The following PLCXD1 variants were observed in gnomAD, a reference collection of about 807,000 sequenced individuals.
The protein encoded by PLCXD1 is phosphatidylinositol specific phospholipase C X domain containing 1, also known as PI-PLC X domain-containing protein 1.
Under a neutral mutation model 37.8 loss-of-function variants are expected in PLCXD1, and 45 were observed. The observed-to-expected ratio is 1.19, with a 90% CI of 0.94 to 1.53. The LOEUF (loss-of-function observed/expected upper bound fraction) is 1.53, where lower values mean the gene tolerates loss of function less well. Among genes scored for constraint, PLCXD1 ranks in the 40% most tolerant of loss-of-function variants. PLCXD1 has a pLI of 0.00. For missense variants in PLCXD1, 539 were observed against 454.7 expected, an observed-to-expected ratio of 1.19 and a Z score of -1.69; for synonymous variants, 246 against 206.9, an observed-to-expected ratio of 1.19 and a Z score of -1.62.
At chrX:292,511 C>T (rs754932003) in intron 5 of PLCXD1, among the ~76,000 whole-genome samples, 3 of 152,196 alleles carry the variant, frequency 2.0e-5, no homozygotes, top group South Asian at 2.1e-4. Flanking sequence ...CAGGGTCACC[C>T]TGTGCAGCCC....
rs374492773 is a variant in PLCXD1 at position 293,133 on chromosome X, A to C, written c.648A>C (p.Pro216=). ...TGCGCCGGCACCACGAGCTGTGGCC[A>C]GGAGTCCCCTACTGGTGGGGAAACA... The part of the protein sequence containing the change: ...SSLRRHHELW[P]GVPYWWGNRV... The change falls in exon 6 of 7, where the codon CCA becomes CCC. Residue 216 remains proline (P), a synonymous_variant. Coordinates refer to ENST00000381657, the MANE Select transcript of PLCXD1 (RefSeq NM_018390.4). 6.2e-7 allele frequency: 1 copy of C among 1,612,414 alleles called. No homozygotes were observed. The highest frequency in any genetic ancestry group is 8.5e-7 in the Non-Finnish European group (1 of 1,179,558).
chrX:302,292 C>T lies in PLCXD1; in HGVS notation c.*2957C>T, dbSNP rs1440381278. On this transcript the variant is annotated 3_prime_UTR_variant, in exon 7 of 7. Coordinates refer to ENST00000381657, the MANE Select transcript of PLCXD1 (RefSeq NM_018390.4). ...GAGACCCCCCCCCCACGGAAGGCGC[C>T]CCCAGTCCGTGTGGGAGACTCGCAC... 6.6e-6 allele frequency: 1 copy of T among 152,256 alleles called. No individual in the cohort carries two copies. Among genetic ancestry groups the T allele is most frequent in the Non-Finnish European group, 1.5e-5 (1 of 68,224 alleles). 9.4% of individuals were successfully genotyped at this position (152,256 alleles called of 1,614,324 possible). A position where few individuals can be genotyped will look rare whatever the true frequency, so the allele number is the denominator to read the frequency against.
intron 5 of PLCXD1, 108 bp from the exon 6 acceptor site, chrX:292,927 G>C: frequency 1.4e-6 from 1 of 707,476 alleles, no homozygotes; most frequent in South Asian, 2.1e-5. Context: ...TTTCATTTTT[G>C]GTTTATACTC....
chrX:285,661 G>A (rs1437257169), intron 2 of PLCXD1, among the ~76,000 whole-genome samples: 4 of 151,832 alleles, frequency 2.6e-5, no homozygotes, highest in South Asian at 2.1e-4. Flanking sequence ...ATGCACACAC[G>A]TAGACACACG....
chrX:292,909 G>A (rs28496552), intron 5 of PLCXD1, 126 bp from the exon 6 acceptor site: 235,348 of 611,986 alleles, frequency 0.38, 47,678 homozygotes, highest in East Asian at 0.56. Context: ...CACTGCGCCC[G>A]GCCAGAATTT....
rs1404181847 is a variant in PLCXD1, at chrX:300,783, A to G, written c.*1448A>G. 6.6e-6 allele frequency: 1 copy of G among 151,968 alleles called. No homozygotes were observed. The highest frequency in any genetic ancestry group is 1.5e-5 in the Non-Finnish European group (1 of 67,988). 9.4% of individuals were successfully genotyped at this position (151,968 alleles called of 1,614,324 possible). Reference sequence around the variant, plus strand: ...CAACGGCGAGATCTCGGCTCACCGCAACCTCCGCCTCCCTGGTTCAAGCAA... The same window carrying G: ...CAACGGCGAGATCTCGGCTCACCGCGACCTCCGCCTCCCTGGTTCAAGCAA... On this transcript the variant is annotated 3_prime_UTR_variant, in exon 7 of 7. Transcript: ENST00000381657.
intron 1 of PLCXD1, chrX:283,889 TTC>T: frequency 3.8e-6 from 1 of 264,516 alleles, no homozygotes; most frequent in South Asian, 8.1e-5. Context: ...TTTTTTTTTT[TTC>T]TTTTTTGGAT....
chrX:291,777 A>G, intron 5 of PLCXD1, 123 bp downstream of exon 5: 2 of 1,090,116 alleles, frequency 1.8e-6, no homozygotes, highest in South Asian at 2.7e-5. Context: ...GAAGCCGTCG[A>G]ACGGGGGCTG....
chrX:285,131 CACATACATGCATGCACACAT>C, intron 2 of PLCXD1, among the ~76,000 whole-genome samples: 2 of 57,206 alleles, frequency 3.5e-5, no homozygotes, highest in East Asian at 1.1e-3. Context: ...CATGCGCACA[CACATACATGCATGCACACAT>C]GCACATCCCC....
At position 299,156 on chromosome X, in the gene PLCXD1, C is replaced by T. The variant is rs142625215; in HGVS notation, c.793C>T (p.Pro265Ser). 1.2e-3 allele frequency: 1,972 copies of T among 1,613,920 alleles called. 18 individuals are homozygous for T. In the Middle Eastern group the frequency reaches 0.016, roughly 13 times the overall value. The stretch of plus-strand genomic sequence containing the variant: ...GAACCTGCAGTACGTTCTGGCGCAC[C>T]CGTCCGAGTCCCTGGAGAAGATGAC... Reference protein sequence around the residue: ...TENLQYVLAHPSESLEKMTLP... With the variant: ...TENLQYVLAHSSESLEKMTLP... Residue 265 changes from proline (P) to serine (S), a missense_variant, in exon 7 of 7, where the codon CCG becomes TCG. Physicochemically the swap from Pro to Ser is moderately conservative, Grantham distance 74. Transcript: ENST00000381657.
At chrX:283,925 A>C in intron 1 of PLCXD1, 1 of 369,330 alleles carries the variant, frequency 2.7e-6, no homozygotes, top group South Asian at 5.0e-5. Flanking sequence ...CTTGTTGCCC[A>C]GCCTGGAGTG....
At chrX:279,033 G>A (rs908662798), upstream of PLCXD1, among the ~76,000 whole-genome samples, 1 of 152,142 alleles carries the variant, frequency 6.6e-6, no homozygotes, top group African/African-American at 2.4e-5. Flanking sequence ...TGGGGGAGGG[G>A]TGGCTCAATA....
At chrX:282,412 A>G (rs866005866) in intron 1 of PLCXD1, among the ~76,000 whole-genome samples, 1 of 144,664 alleles carries the variant, frequency 6.9e-6, no homozygotes, top group East Asian at 2.1e-4. Context: ...CAAAAAAAAA[A>G]CCGTACATAC....
intron 2 of PLCXD1, among the ~76,000 whole-genome samples, chrX:285,609 G>A (rs1200087968): frequency 6.6e-6 from 1 of 151,606 alleles, no homozygotes; most frequent in Non-Finnish European, 1.5e-5. Context: ...ATATGCACAC[G>A]TGTACACAGG....
intron 6 of PLCXD1, 144 bp downstream of exon 6, chrX:293,362 A>C (rs761243243): frequency 9.0e-6 from 6 of 664,396 alleles, no homozygotes; most frequent in Admixed American, 5.9e-5. Flanking sequence ...TAATCCCTGT[A>C]CCTGTAATCC....
upstream of PLCXD1, among the ~76,000 whole-genome samples, chrX:277,006 TCCCGC>T (rs1202028332): frequency 6.6e-6 from 1 of 152,086 alleles, no homozygotes. Flanking sequence ...ATCTGCGCTG[TCCCGC>T]CGCGACCGTG....
rs189767906 is a variant in PLCXD1 at position 292,383 on chromosome X, C to T, written c.550-652C>T. On this transcript the variant is annotated intron_variant, in intron 5 of 6. Transcript: ENST00000381657. The stretch of plus-strand genomic sequence containing the variant: ...CTGAGGCAGGAGAATGGTGTGAACC[C>T]GGGGGGTGGAGGTTGCAGTGAGCCG... 3.7e-3 allele frequency among the ~76,000 whole-genome samples: 567 copies of T among 151,940 alleles called. 5 individuals carry two copies. The highest frequency in any genetic ancestry group is 0.013 in the African/African-American group (522 of 41,488).
rs1036341958 is a variant in PLCXD1, at chrX:303,159, C to G, written c.*3824C>G. The G allele has an allele frequency of 6.6e-6, 1 of 152,112 alleles. No individual in the cohort carries two copies. Among genetic ancestry groups the G allele is most frequent in the Non-Finnish European group, 1.5e-5 (1 of 68,036 alleles). The allele number at this position is 152,112 out of a possible 1,614,324, so 9.4% of individuals were successfully genotyped here. A position where few individuals can be genotyped will look rare whatever the true frequency, so the allele number is the denominator to read the frequency against. On this transcript the variant is annotated 3_prime_UTR_variant, in exon 7 of 7. Transcript: ENST00000381657. ...TGCCCCGCATCCAGAAAGACGCACT[C>G]CTGGACCACAACCGGCGGCTACCTC...
At position 299,089 on chromosome X, in the gene PLCXD1, C is replaced by G; in HGVS notation, c.734-8C>G. On this transcript the variant is annotated splice_region_variant and splice_polypyrimidine_tract_variant and intron_variant, in intron 6 of 6. Transcript: ENST00000381657. The stretch of plus-strand genomic sequence containing the variant: ...CCGTGTAACCTCTCCCCACCCTCAC[C>G]GTTGCAGGAGGGTTGTTCGTGGCCG... 4 of 1,602,538 alleles carry G rather than the reference C, an allele frequency of 2.5e-6. No homozygotes were observed. Among genetic ancestry groups the G allele is most frequent in the Non-Finnish European group, 3.4e-6 (4 of 1,169,456 alleles).
Sources: gnomAD v4.1 joint callset for allele counts (sites outside exome capture counted in the v4.1 genomes callset) on GRCh38, gnomAD v4.1.1 for gene constraint, MANE v1.5 for transcripts, NCBI Gene and HGNC (gene_info 2026-07-23, HGNC 2026-07-21) for gene names.